The following WIF1 variants were observed in gnomAD, a reference collection of about 807,000 sequenced individuals.
The protein encoded by WIF1 is Wnt inhibitory factor 1.
In WIF1, 35 loss-of-function variants were observed where a neutral mutation model predicts 53.5. That is an observed-to-expected ratio of 0.65 (90% CI 0.50 to 0.87). The LOEUF is 0.87. Among genes scored for constraint, WIF1 ranks in the 40% least tolerant of loss-of-function variants. The probability of loss-of-function intolerance (pLI) is 0.00; values close to 1 mark genes in which losing one functional copy is unlikely to be tolerated. For synonymous variants in WIF1, 171 were observed against 170.4 expected (o/e 1.00, Z -0.03); for missense variants, 467 against 476.8 (o/e 0.98, Z 0.19).
intron 9 of WIF1, among the ~76,000 whole-genome samples, chr12:65,054,551 T>G (rs1020815182): frequency 6.6e-6 from 1 of 152,180 alleles, no homozygotes; most frequent in Non-Finnish European, 1.5e-5. Context: ...TTTGAAAAAA[T>G]GCAACTCCAT....
At chr12:65,118,727 C>T (rs931249316) in intron 2 of WIF1, among the ~76,000 whole-genome samples, 4 of 152,210 alleles carry the variant, frequency 2.6e-5, no homozygotes, top group African/African-American at 9.6e-5. Flanking sequence ...TTTGTACTCA[C>T]CAGTATGCCA....
chr12:65,120,498 A>G lies in WIF1; in HGVS notation c.207T>C (p.Asp69=). The G allele has an allele frequency of 6.2e-7, 1 of 1,614,148 alleles. No individual in the cohort carries two copies. The highest frequency in any genetic ancestry group is 1.1e-5 in the South Asian group (1 of 91,062). ...SEGKMAPFTH[D]FRKAQQRMPA... ...GCATTCTCTGTTGTGCTTTTCTGAAATCATGTGTAAAAGGTGCCATTTTCC... is the reference window on the plus strand; with the variant it reads ...GCATTCTCTGTTGTGCTTTTCTGAAGTCATGTGTAAAAGGTGCCATTTTCC... Residue 69 remains aspartate (D), a synonymous_variant, in exon 2 of 10, where the codon GAT becomes GAC. Coordinates refer to ENST00000286574, the MANE Select transcript of WIF1 (RefSeq NM_007191.5).
chr12:65,116,402 A>G (rs1007559498), intron 2 of WIF1, among the ~76,000 whole-genome samples: 39 of 151,958 alleles, frequency 2.6e-4, no homozygotes, highest in African/African-American at 9.4e-4. Flanking sequence ...TAAGGGATCT[A>G]GGTTATGCAC....
chr12:65,088,715 A>G (rs567432116), intron 2 of WIF1, among the ~76,000 whole-genome samples: 2 of 151,356 alleles, frequency 1.3e-5, no homozygotes, highest in South Asian at 2.1e-4. Flanking sequence ...ATACATAGCA[A>G]CTCTCTCTGA....
At position 65,121,302 on chromosome 12, in the gene WIF1, G is replaced by A. The variant is rs78942476; in HGVS notation, c.-111C>T. ...AGCTCCCTCAGCCAGGGCTGTTCCCGTTTAGACGGCTGGGCGCGTCGCCTC... is the reference window on the plus strand; with the variant it reads ...AGCTCCCTCAGCCAGGGCTGTTCCCATTTAGACGGCTGGGCGCGTCGCCTC... On this transcript the variant is annotated 5_prime_UTR_variant, in exon 1 of 10. The change creates a new upstream start codon in the 5' untranslated region. Transcript: ENST00000286574. 9.3e-5 allele frequency: 118 copies of A among 1,268,242 alleles called. No individual in the cohort carries two copies. Among genetic ancestry groups the A allele is most frequent in the Non-Finnish European group, 1.1e-4 (111 of 1,001,850 alleles). The allele number at this position is 1,268,242 out of a possible 1,614,324, so 78.6% of individuals were successfully genotyped here.
chr12:65,112,869 C>A (rs904395703), intron 2 of WIF1, among the ~76,000 whole-genome samples: 6 of 152,206 alleles, frequency 3.9e-5, no homozygotes, highest in Non-Finnish European at 8.8e-5. Flanking sequence ...TCAAACATCA[C>A]TTGCTCAGTG....
chr12:65,073,025 T>C (rs1882807981), intron 3 of WIF1, among the ~76,000 whole-genome samples: 1 of 152,140 alleles, frequency 6.6e-6, no homozygotes, highest in Admixed American at 6.5e-5. Context: ...AGCAAATTTG[T>C]TCTGATTGCA....
intron 2 of WIF1, among the ~76,000 whole-genome samples, chr12:65,116,778 C>CAA (rs1303882899): frequency 7.9e-5 from 12 of 151,562 alleles, no homozygotes; most frequent in African/African-American, 2.7e-4. Flanking sequence ...ACTAAAGATA[C>CAA]AAAAACTAGC....
intron 2 of WIF1, among the ~76,000 whole-genome samples, chr12:65,088,505 A>G (rs936399720): frequency 1.3e-5 from 2 of 152,094 alleles, no homozygotes; most frequent in African/African-American, 4.8e-5. Flanking sequence ...AGAGTCTATA[A>G]CCATGGCCTC....
At chr12:65,114,800 A>G (rs1030846825) in intron 2 of WIF1, among the ~76,000 whole-genome samples, 3 of 152,232 alleles carry the variant, frequency 2.0e-5, no homozygotes, top group Admixed American at 6.5e-5. Flanking sequence ...TCCCCAGGGC[A>G]GCAGACAAAA....
intron 7 of WIF1, among the ~76,000 whole-genome samples, chr12:65,061,240 C>G (rs1882606541): frequency 6.6e-6 from 1 of 152,112 alleles, no homozygotes; most frequent in Non-Finnish European, 1.5e-5. Flanking sequence ...TACAAAAACC[C>G]ACAAATAAAT....
At chr12:65,100,385 C>A (rs1883265054) in intron 2 of WIF1, among the ~76,000 whole-genome samples, 1 of 152,046 alleles carries the variant, frequency 6.6e-6, no homozygotes, top group African/African-American at 2.4e-5. Context: ...AAAAACTTGT[C>A]CTAACTGAAC....
At chr12:65,095,749 G>A (rs903412659) in intron 2 of WIF1, 9 of 152,098 alleles carry the variant, frequency 5.9e-5, no homozygotes, top group Admixed American at 2.0e-4. Context: ...GAAGCAGATC[G>A]TGCTCACTTC....
chr12:65,093,742 G>A (rs1436652707), intron 2 of WIF1, among the ~76,000 whole-genome samples: 1 of 152,072 alleles, frequency 6.6e-6, no homozygotes, highest in African/African-American at 2.4e-5. Flanking sequence ...CTGATGTGAT[G>A]AGAGAAAGTT....
chr12:65,053,734 A>G (rs953472605), intron 9 of WIF1, among the ~76,000 whole-genome samples: 2 of 152,192 alleles, frequency 1.3e-5, no homozygotes, highest in Admixed American at 6.5e-5. Flanking sequence ...AAACAGATGT[A>G]TAACTACATA....
intron 7 of WIF1, among the ~76,000 whole-genome samples, chr12:65,060,128 C>T (rs1246227984): frequency 1.3e-5 from 2 of 152,170 alleles, no homozygotes; most frequent in African/African-American, 4.8e-5. Flanking sequence ...GATGCAACTG[C>T]TTTGGAAAAC....
chr12:65,118,122 T>C (rs138573871), intron 2 of WIF1, among the ~76,000 whole-genome samples: 1 of 152,382 alleles, frequency 6.6e-6, no homozygotes, highest in East Asian at 1.9e-4. Context: ...AATATAAAAT[T>C]TAAAACTTCA....
chr12:65,101,770 A>T lies in WIF1; in HGVS notation c.288+18647T>A, dbSNP rs79272142. On this transcript the variant is annotated intron_variant, in intron 2 of 9. Coordinates refer to ENST00000286574, the MANE Select transcript of WIF1 (RefSeq NM_007191.5). ...AAGTGAAATACTTGTCTGAGGGCTC[A>T]GATAGCTGGTGTGGGAGCTGGGCTG... Among the ~76,000 whole-genome samples, 25 of 152,354 alleles carry T rather than the reference A, an allele frequency of 1.6e-4. No homozygotes were observed. The East Asian group carries it at 4.4e-3, about 27-fold the overall frequency.
At position 65,121,147 on chromosome 12, in the gene WIF1, C is replaced by T. The variant is rs2136298166; in HGVS notation, c.45G>A (p.Trp15Ter). The stretch of plus-strand genomic sequence containing the variant: ...GTGCCAGCAGGCACAGGAGGATGCT[C>T]CAGAGCCAGAGCGCGGCGGCAGGGA... ...SAFPAAALWL[W>*]SILLCLLALR... is the part of the protein sequence containing the mutation. Residue 15 changes from tryptophan to a stop codon, truncating the protein, a stop_gained, in exon 1 of 10, where the codon TGG (tryptophan) becomes TGA (stop). Coordinates refer to ENST00000286574, the MANE Select transcript of WIF1 (RefSeq NM_007191.5). LOFTEE classifies it high-confidence loss of function. 6.5e-7 allele frequency: 1 copy of T among 1,547,850 alleles called. No homozygotes were observed. The highest frequency in any genetic ancestry group is 8.7e-7 in the Non-Finnish European group (1 of 1,145,670).
Sources: gnomAD v4.1 joint callset for allele counts (sites outside exome capture counted in the v4.1 genomes callset) on GRCh38, gnomAD v4.1.1 for gene constraint, MANE v1.5 for transcripts, NCBI Gene and HGNC (gene_info 2026-07-23, HGNC 2026-07-21) for gene names.